KLC1: variants seen among roughly 807,000 people sequenced by gnomAD.
The protein encoded by KLC1 is kinesin 2 60/70kDa.
A neutral mutation model predicts 84.2 loss-of-function variants in KLC1; 30 were observed. The observed-to-expected ratio is 0.36, with a 90% CI of 0.27 to 0.48. The LOEUF (loss-of-function observed/expected upper bound fraction) is 0.48, where lower values mean the gene tolerates loss of function less well. Among genes scored for constraint, KLC1 ranks in the 20% least tolerant of loss-of-function variants. KLC1 has a pLI of 0.99. For missense variants in KLC1, 499 were observed against 805.4 expected (o/e 0.62, Z 4.60); for synonymous variants, 289 against 293.3 (o/e 0.99, Z 0.15).
At chr14:103,652,678 G>A (rs927232686) in intron 1 of KLC1, among the ~76,000 whole-genome samples, 1 of 152,114 alleles carries the variant, frequency 6.6e-6, no homozygotes, top group South Asian at 2.1e-4. Context: ...TTTTAGTAGA[G>A]ACGGGGGTTT....
At chr14:103,683,565 G>A (rs1183869630) in intron 13 of KLC1, 1 of 152,240 alleles carries the variant, frequency 6.6e-6, no homozygotes, top group Non-Finnish European at 1.5e-5. Context: ...TTGGGATGTG[G>A]GAGCCCCTTG....
chr14:103,694,788 C>T lies in KLC1; in HGVS notation c.1848+2363C>T. ...TTGTCACCTTCAGCCTCTAGAAGCT[C>T]CCCGTGGGGCACGAAGGCTGGGGAC... On this transcript the variant is annotated intron_variant, in intron 15 of 16. Transcript: ENST00000334553. The surrounding 1 kb of genome is among the most constrained non-coding windows in gnomAD (Gnocchi z 4.5). The T allele has an allele frequency of 2.0e-6, 2 of 985,500 alleles. No individual in the cohort carries two copies. The highest frequency in any genetic ancestry group is 2.4e-6 in the Non-Finnish European group (2 of 829,954). The allele number at this position is 985,500 out of a possible 1,614,324, so 61.0% of individuals were successfully genotyped here. A position where few individuals can be genotyped will look rare whatever the true frequency, so the allele number is the denominator to read the frequency against.
intron 1 of KLC1, among the ~76,000 whole-genome samples, chr14:103,647,590 T>A (rs1433400826): frequency 6.6e-6 from 1 of 151,700 alleles, no homozygotes. Flanking sequence ...TTTGAAAGGA[T>A]GGCATGGCCA....
At position 103,701,290 on chromosome 14, in the gene KLC1, G is replaced by A. The variant is rs1421460124; in HGVS notation, c.*91G>A. On this transcript the variant is annotated 3_prime_UTR_variant, in exon 17 of 17. Coordinates refer to ENST00000334553, the MANE Select transcript of KLC1 (RefSeq NM_001394837.1). ...AGCCAGGGCGGCAGGGAGGGCCCCT[G>A]GCCGGGAGCCGCAGCGCTCACTCAT... The A allele has an allele frequency of 1.2e-5, 17 of 1,401,634 alleles. No individual in the cohort carries two copies. Among genetic ancestry groups the A allele is most frequent in the Non-Finnish European group, 1.2e-5 (12 of 1,020,060 alleles). 86.8% of individuals were successfully genotyped at this position (1,401,634 alleles called of 1,614,324 possible).
intron 9 of KLC1, 122 bp from the exon 10 acceptor site, chr14:103,675,430 C>T (rs941034918): frequency 8.3e-6 from 6 of 723,100 alleles, no homozygotes; most frequent in African/African-American, 7.2e-5. Context: ...TCAAAGTGCT[C>T]CAAAGTTTGA....
intron 1 of KLC1, among the ~76,000 whole-genome samples, chr14:103,631,617 G>A (rs2151236141): frequency 6.6e-6 from 1 of 152,082 alleles, no homozygotes; most frequent in South Asian, 2.1e-4. Context: ...TATTTATTTA[G>A]AGATGAGTCT....
At chr14:103,698,295 C>CT (rs2082742304) in intron 15 of KLC1, 1 of 177,106 alleles carries the variant, frequency 5.6e-6, no homozygotes, top group African/African-American at 2.4e-5. Context: ...TGAGGAGGAG[C>CT]CGCCTGCCTG....
chr14:103,696,820 C>T (rs767406693), intron 15 of KLC1: 64 of 985,388 alleles, frequency 6.5e-5, no homozygotes, highest in Non-Finnish European at 7.7e-5. Flanking sequence ...GGGCAAGACC[C>T]ATGGCCCTGG....
chr14:103,639,741 A>G (rs1377657005), intron 1 of KLC1, among the ~76,000 whole-genome samples: 1 of 148,600 alleles, frequency 6.7e-6, no homozygotes, highest in Non-Finnish European at 1.5e-5. Flanking sequence ...CACCCGGCCC[A>G]GATGTGAATT....
chr14:103,677,201 G>A (rs2080975921), intron 11 of KLC1, among the ~76,000 whole-genome samples: 1 of 152,196 alleles, frequency 6.6e-6, no homozygotes, highest in Admixed American at 6.6e-5. Flanking sequence ...GGCCTGCAGG[G>A]GCTGTCTACA....
chr14:103,666,764 AT>A (rs1370701467), intron 5 of KLC1, among the ~76,000 whole-genome samples: 2 of 103,668 alleles, frequency 1.9e-5, no homozygotes, highest in South Asian at 3.1e-4. Flanking sequence ...GTGCCTGGCC[AT>A]TTTTTTTCTT....
rs1338372198 is a variant in KLC1, at chr14:103,684,641, C to T, written c.1651-2440C>T. Reference sequence around the variant, plus strand: ...GACCCCAATTCTGGGACTCCTGGGCCCATTGCCCAGCTGTCAGCTGTCAGC... The same window carrying T: ...GACCCCAATTCTGGGACTCCTGGGCTCATTGCCCAGCTGTCAGCTGTCAGC... On this transcript the variant is annotated intron_variant, in intron 13 of 16. Transcript: ENST00000334553. 7.6e-5 allele frequency: 18 copies of T among 235,566 alleles called. No individual in the cohort carries two copies. In the Admixed American group the frequency reaches 8.2e-4, roughly 11 times the overall value. 14.6% of individuals were successfully genotyped at this position (235,566 alleles called of 1,614,324 possible).
intron 1 of KLC1, among the ~76,000 whole-genome samples, chr14:103,648,242 C>T (rs1157317957): frequency 6.6e-6 from 1 of 152,136 alleles, no homozygotes; most frequent in Non-Finnish European, 1.5e-5. Flanking sequence ...AGCCACCGCG[C>T]CCAGCCTGTA....
At chr14:103,685,862 A>G in intron 13 of KLC1, 1 of 1,161,478 alleles carries the variant, frequency 8.6e-7, no homozygotes, top group Non-Finnish European at 1.1e-6. Context: ...ACTTAGTAAT[A>G]TAAACTGTAT....
chr14:103,663,216 A>G (rs2079442776), intron 5 of KLC1, among the ~76,000 whole-genome samples: 1 of 151,504 alleles, frequency 6.6e-6, no homozygotes, highest in South Asian at 2.1e-4. Context: ...AGTAGCTGGG[A>G]CTTCAGGCAC....
At chr14:103,695,891 C>T in intron 15 of KLC1, 3 of 985,314 alleles carry the variant, frequency 3.0e-6, no homozygotes, top group Non-Finnish European at 3.6e-6. Context: ...TACCTGAGTC[C>T]CCGATGTTTG....
intron 15 of KLC1, chr14:103,698,643 C>T (rs1308977456): frequency 5.6e-6 from 4 of 719,158 alleles, no homozygotes; most frequent in South Asian, 1.7e-5. Context: ...TCTGTGGCCA[C>T]CATCTTCGGA....
chr14:103,669,327 C>T (rs376645620), intron 5 of KLC1, among the ~76,000 whole-genome samples, 184 bp from the exon 6 acceptor site: 112 of 151,774 alleles, frequency 7.4e-4, no homozygotes, highest in African/African-American at 2.6e-3. Context: ...CCCAGCTACT[C>T]AGGAGGCTGA....
chr14:103,673,719 C>G (rs1425974531), intron 9 of KLC1, among the ~76,000 whole-genome samples: 2 of 151,998 alleles, frequency 1.3e-5, no homozygotes, highest in East Asian at 1.9e-4. Context: ...GTCAGGCGAT[C>G]GAGACCATCC....
Sources: allele counts gnomAD v4.1 joint callset (sites outside exome capture counted in the v4.1 genomes callset), GRCh38; gene constraint gnomAD v4.1.1; non-coding constraint Gnocchi (gnomAD v3.1); transcripts MANE v1.5; gene names NCBI Gene and HGNC (gene_info 2026-07-23, HGNC 2026-07-21).